Variants in DLEU7 observed in about 807,000 individuals in gnomAD.
The protein encoded by DLEU7 is deleted in lymphocytic leukemia 7.
In DLEU7, 17 loss-of-function variants were observed where a neutral mutation model predicts 16.0. The ratio of observed to expected loss-of-function variants is 1.06; its 90% CI spans 0.73 to 1.59. DLEU7 has a LOEUF of 1.59. DLEU7 is among the 40% of genes most tolerant of loss of function. The pLI, the probability that DLEU7 is intolerant of heterozygous loss-of-function variation, is 0.00. For missense variants in DLEU7, 308 were observed against 314.9 expected (o/e 0.98, Z 0.17); for synonymous variants, 113 against 139.8 (o/e 0.81, Z 1.35).
intron 1 of DLEU7, among the ~76,000 whole-genome samples, chr13:50,753,636 C>T (rs574957388): frequency 9.2e-5 from 14 of 152,300 alleles, no homozygotes; most frequent in South Asian, 4.1e-4. Context: ...ACCCGGAACT[C>T]GCACTGGCCC....
At chr13:50,728,541 C>T (rs916286638) in intron 1 of DLEU7, among the ~76,000 whole-genome samples, 4 of 152,026 alleles carry the variant, frequency 2.6e-5, no homozygotes, top group Admixed American at 2.0e-4. Flanking sequence ...AGTGTTTTCC[C>T]AGGAAAGCCC....
chr13:50,843,287 C>T lies in DLEU7; in HGVS notation c.360G>A (p.Ala120=). The change falls in exon 1 of 2, where the codon GCG becomes GCA. Residue 120 remains alanine (A), a synonymous_variant. Transcript: ENST00000504404. This position sits in a 1 kb window ranked among gnomAD's most constrained non-coding sequence, Gnocchi z 5.7. Reference sequence around the variant, plus strand: ...AAGTCGAGTCCACCACGCGGGCCAGCGCGCTGCGCATCGCCATCTGGGCCA... The same window carrying T: ...AAGTCGAGTCCACCACGCGGGCCAGTGCGCTGCGCATCGCCATCTGGGCCA... ...CTLAQMAMRS[A]LARVVDSTSE... is the part of the protein sequence containing the mutation. 2 of 1,568,080 alleles carry T rather than the reference C, an allele frequency of 1.3e-6. No individual in the cohort carries two copies. Among genetic ancestry groups the T allele is most frequent in the South Asian group, 1.1e-5 (1 of 87,622 alleles).
At position 50,825,095 on chromosome 13, in the gene DLEU7, C is replaced by CT. The variant is rs890485606; in HGVS notation, c.460-1576dup. 1.8e-3 allele frequency among the ~76,000 whole-genome samples: 272 copies of CT among 151,100 alleles called. 1 individual carries two copies. The highest frequency in any genetic ancestry group is 6.2e-3 in the African/African-American group (257 of 41,158). ...CTGATCATCAGGCATTAGATTCTCT[C>CT]TTTTTTTTTAAGAGATGAGATGATA... On this transcript the variant is annotated intron_variant, in intron 1 of 1. Transcript: ENST00000504404.
chr13:50,818,190 A>G (rs369235060), downstream of DLEU7, among the ~76,000 whole-genome samples: 2 of 152,244 alleles, frequency 1.3e-5, no homozygotes, highest in African/African-American at 2.4e-5. Context: ...AAGGTACTAC[A>G]TGGTCTTAAA....
intron 1 of DLEU7, among the ~76,000 whole-genome samples, chr13:50,759,962 A>AC (rs1396936261): frequency 6.6e-6 from 1 of 151,978 alleles, no homozygotes; most frequent in East Asian, 1.9e-4. Context: ...TTGGATAGTG[A>AC]CCCCCCATGT....
chr13:50,823,881 G>C (rs1877000105), intron 1 of DLEU7, among the ~76,000 whole-genome samples: 1 of 152,230 alleles, frequency 6.6e-6, no homozygotes, highest in Admixed American at 6.5e-5. Context: ...AAATGAGAAT[G>C]CAGCCAACAC....
rs784173 is a variant in DLEU7, at chr13:50,790,003, G to A, written c.459+53185C>T. ...GTTGCCCAGGCTGGAGTGCAGTGGC[G>A]CTCACTGCAACCTCCGCCTCCCAGG... On this transcript the variant is annotated intron_variant, in intron 1 of 1. Transcript: ENST00000400393. Among the ~76,000 whole-genome samples, 415 of 149,568 alleles carry A rather than the reference G, an allele frequency of 2.8e-3. 5 individuals carry two copies. Among genetic ancestry groups the A allele is most frequent in the African/African-American group, 8.7e-3 (352 of 40,522 alleles).
At chr13:50,813,625 T>A (rs1196878914) in intron 1 of DLEU7, among the ~76,000 whole-genome samples, 1 of 152,126 alleles carries the variant, frequency 6.6e-6, no homozygotes, top group Non-Finnish European at 1.5e-5. Flanking sequence ...TTAAGGAGAC[T>A]GAGCTTCCGT....
chr13:50,820,102 A>G (rs1876851740), downstream of DLEU7, among the ~76,000 whole-genome samples: 1 of 152,140 alleles, frequency 6.6e-6, no homozygotes, highest in Non-Finnish European at 1.5e-5. Context: ...CTGATGATAG[A>G]TCAAGTAATA....
intron 1 of DLEU7, among the ~76,000 whole-genome samples, chr13:50,772,936 C>T (rs552196579): frequency 1.3e-5 from 2 of 152,230 alleles, no homozygotes; most frequent in East Asian, 1.9e-4. Flanking sequence ...TTCACATAGT[C>T]CTATATTTCT....
At chr13:50,808,274 T>A (rs979563870) in intron 1 of DLEU7, among the ~76,000 whole-genome samples, 1 of 152,204 alleles carries the variant, frequency 6.6e-6, no homozygotes, top group Admixed American at 6.5e-5. Context: ...TGGCATATCA[T>A]TGGCTATCAC....
Position 50,843,334 on chromosome 13 carries a change from G to C in DLEU7, c.313C>G (p.Arg105Gly). ...EGGAELLPFPRDRGPCTLAQM... is the reference protein window; with the variant it reads ...EGGAELLPFPGDRGPCTLAQM... ...GCCAGGGTGCAGGGCCCGCGGTCCC[G>C]GGGGAAGGGCAGCAACTCGGCGCCC... The change falls in exon 1 of 2, where the codon CGG becomes GGG. Residue 105 changes from arginine to glycine, a missense_variant. By Grantham distance (125) the Arg-to-Gly change is moderately radical. Transcript: ENST00000504404. This position sits in a 1 kb window ranked among gnomAD's most constrained non-coding sequence, Gnocchi z 5.7. 5 of 1,480,678 alleles carry C rather than the reference G, an allele frequency of 3.4e-6. No homozygotes were observed. The highest frequency in any genetic ancestry group is 4.5e-6 in the Non-Finnish European group (5 of 1,116,750). The allele number at this position is 1,480,678 out of a possible 1,614,324, so 91.7% of individuals were successfully genotyped here. A position where few individuals can be genotyped will look rare whatever the true frequency, so the allele number is the denominator to read the frequency against.
chr13:50,802,455 A>T (rs1002137643), intron 1 of DLEU7, among the ~76,000 whole-genome samples: 1 of 152,290 alleles, frequency 6.6e-6, no homozygotes, highest in East Asian at 1.9e-4. Context: ...TAGCAAGCCC[A>T]TGTTCTTCAT....
At chr13:50,801,394 A>G (rs1461226260) in intron 1 of DLEU7, among the ~76,000 whole-genome samples, 1 of 152,082 alleles carries the variant, frequency 6.6e-6, no homozygotes, top group Non-Finnish European at 1.5e-5. Context: ...GCTGTTGTTC[A>G]TACTTCGAAG....
intron 1 of DLEU7, among the ~76,000 whole-genome samples, chr13:50,811,732 T>C (rs1424277497): frequency 1.3e-5 from 2 of 152,088 alleles, no homozygotes; most frequent in Non-Finnish European, 2.9e-5. Context: ...GAGGGAAGCC[T>C]GGATCAGGAG....
intron 1 of DLEU7, among the ~76,000 whole-genome samples, chr13:50,760,360 C>T (rs1874893529): frequency 6.6e-6 from 1 of 151,898 alleles, no homozygotes; most frequent in African/African-American, 2.4e-5. Flanking sequence ...TTGGTGGGAG[C>T]TGGGGGCAAT....
At chr13:50,842,220 A>C (rs1032896837) in intron 1 of DLEU7, among the ~76,000 whole-genome samples, 2 of 152,210 alleles carry the variant, frequency 1.3e-5, no homozygotes, top group Non-Finnish European at 2.9e-5. Flanking sequence ...GTATAGTGCA[A>C]CTTAATGTAT....
intron 1 of DLEU7, among the ~76,000 whole-genome samples, chr13:50,768,792 A>G (rs1052732551): frequency 2.0e-5 from 3 of 152,224 alleles, no homozygotes; most frequent in African/African-American, 7.2e-5. Flanking sequence ...TCCTTTGGGT[A>G]TATACCCAGT....
chr13:50,818,113 G>A (rs1203019969), downstream of DLEU7, among the ~76,000 whole-genome samples: 3 of 152,188 alleles, frequency 2.0e-5, no homozygotes, highest in African/African-American at 4.8e-5. Flanking sequence ...ATCAGATGAT[G>A]TGACTTTTTT....
Sources: allele counts gnomAD v4.1 joint callset (sites outside exome capture counted in the v4.1 genomes callset), GRCh38; gene constraint gnomAD v4.1.1; non-coding constraint Gnocchi (gnomAD v3.1); transcripts MANE v1.5; gene names NCBI Gene and HGNC (gene_info 2026-07-23, HGNC 2026-07-21).